Variants in ANKRD30B observed in about 807,000 individuals in gnomAD.
ANKRD30B encodes the protein ankyrin repeat domain-containing protein 30B.
In ANKRD30B, 144 loss-of-function variants were observed where a neutral mutation model predicts 202.2. That is an observed-to-expected ratio of 0.71 (90% CI 0.62 to 0.82). ANKRD30B has a LOEUF of 0.82. Among genes scored for constraint, ANKRD30B ranks in the 40% least tolerant of loss-of-function variants. The pLI, the probability that ANKRD30B is intolerant of heterozygous loss-of-function variation, is 0.00. For synonymous variants in ANKRD30B, 508 were observed against 561.3 expected (o/e 0.91, Z 1.34); for missense variants, 1,487 against 1,669.1 (o/e 0.89, Z 1.90).
the ANKRD30B span, among the ~76,000 whole-genome samples, chr18:14,890,682 T>G: frequency 4.8e-5 from 7 of 146,998 alleles, no homozygotes; most frequent in Admixed American, 2.8e-4. Flanking sequence ...GCTAACAGAA[T>G]AGCTCTTGAA....
At chr18:14,828,605 T>C (rs1183451296) in intron 33 of ANKRD30B, among the ~76,000 whole-genome samples, 1 of 152,166 alleles carries the variant, frequency 6.6e-6, no homozygotes, top group African/African-American at 2.4e-5. Flanking sequence ...ATCCCTTCCC[T>C]TCCCCCTTGG....
At chr18:14,849,876 C>T (rs548177604) in intron 40 of ANKRD30B, among the ~76,000 whole-genome samples, 49 of 151,636 alleles carry the variant, frequency 3.2e-4, no homozygotes, top group African/African-American at 1.1e-3. Context: ...TCTGTCCTCA[C>T]TGAGGACTAA....
At chr18:14,844,490 G>C (rs1262175568) in intron 39 of ANKRD30B, among the ~76,000 whole-genome samples, 2 of 152,136 alleles carry the variant, frequency 1.3e-5, no homozygotes, top group Non-Finnish European at 2.9e-5. Flanking sequence ...TCATTGATGG[G>C]CATTTGGGTT....
chr18:14,750,737 T>C (rs1350055125), intron 1 of ANKRD30B, among the ~76,000 whole-genome samples: 3 of 152,132 alleles, frequency 2.0e-5, no homozygotes, highest in Non-Finnish European at 4.4e-5. Flanking sequence ...ATGTGACCAC[T>C]CAAGGTAGAA....
chr18:14,755,390 T>G (rs1216973440), intron 4 of ANKRD30B, among the ~76,000 whole-genome samples: 1 of 152,110 alleles, frequency 6.6e-6, no homozygotes, highest in African/African-American at 2.4e-5. Flanking sequence ...ATACACTTTT[T>G]TAATTTCTTT....
the ANKRD30B span, among the ~76,000 whole-genome samples, chr18:14,874,234 A>G: frequency 7.9e-5 from 12 of 152,292 alleles, no homozygotes; most frequent in East Asian, 2.3e-3. Flanking sequence ...AAGACCCTGA[A>G]CGCTCTTCCT....
the ANKRD30B span, among the ~76,000 whole-genome samples, chr18:14,876,682 T>C: frequency 6.6e-6 from 1 of 152,338 alleles, no homozygotes; most frequent in South Asian, 2.1e-4. Context: ...CATCATCTAC[T>C]TTTTAAAAGA....
chr18:14,870,069 C>T, the ANKRD30B span, among the ~76,000 whole-genome samples: 1 of 152,222 alleles, frequency 6.6e-6, no homozygotes, highest in African/African-American at 2.4e-5. Context: ...CTCCTCACCT[C>T]AGGTGATCCA....
At chr18:14,856,251 G>A (rs1435506472), downstream of ANKRD30B, among the ~76,000 whole-genome samples, 11 of 132,006 alleles carry the variant, frequency 8.3e-5, no homozygotes, top group South Asian at 1.0e-3. Flanking sequence ...AGAGAAAGGT[G>A]CTCCTCACTT....
At chr18:14,767,785 A>C (rs1916484871) in intron 7 of ANKRD30B, among the ~76,000 whole-genome samples, 1 of 152,216 alleles carries the variant, frequency 6.6e-6, no homozygotes, top group Non-Finnish European at 1.5e-5. Context: ...ATATTTCATC[A>C]TACTCCTTAG....
chr18:14,871,080 C>CA, the ANKRD30B span, among the ~76,000 whole-genome samples: 2 of 75,492 alleles, frequency 2.6e-5, no homozygotes, highest in African/African-American at 1.0e-4. Flanking sequence ...CACCCACAGA[C>CA]CCCCACCCTC....
the ANKRD30B span, among the ~76,000 whole-genome samples, chr18:14,903,398 A>C: frequency 6.6e-6 from 1 of 152,186 alleles, no homozygotes; most frequent in Non-Finnish European, 1.5e-5. Context: ...CAGGATGATA[A>C]ATGATTACTG....
the ANKRD30B span, among the ~76,000 whole-genome samples, chr18:14,875,491 G>A: frequency 3.3e-5 from 5 of 152,122 alleles, no homozygotes; most frequent in African/African-American, 9.7e-5. Flanking sequence ...CGCTTACTGT[G>A]TGGCTGGCAT....
the ANKRD30B span, among the ~76,000 whole-genome samples, chr18:14,859,851 G>A: frequency 5.9e-5 from 4 of 67,588 alleles, no homozygotes; most frequent in East Asian, 1.0e-3. Flanking sequence ...CCCAGATGGC[G>A]CGGCCAGGCA....
At position 14,848,855 on chromosome 18, in the gene ANKRD30B, G is replaced by C. The variant is rs1284813557; in HGVS notation, c.3321G>C (p.Leu1107=). 1.2e-6 allele frequency: 2 copies of C among 1,601,576 alleles called. No homozygotes were observed. Among genetic ancestry groups the C allele is most frequent in the Non-Finnish European group, 1.7e-6 (2 of 1,174,774 alleles). The change falls in exon 40 of 44, where the codon CTG becomes CTC. Residue 1107 remains leucine, a synonymous_variant. Coordinates refer to ENST00000690538, the MANE Select transcript of ANKRD30B (RefSeq NM_001367607.2). ...AGTTTTGTGTACTACAAAAGGAACT[G>C]TCAGAAGCGAAAGAAATAAAATCAC... ...KNKFCVLQKE[L]SEAKEIKSQL...
chr18:14,859,144 A>G (rs1972143538), downstream of ANKRD30B, among the ~76,000 whole-genome samples: 1 of 114,286 alleles, frequency 8.7e-6, no homozygotes, highest in Admixed American at 8.3e-5. Flanking sequence ...CGGGGAGACC[A>G]GGAAGAGGCG....
chr18:14,862,878 C>T, the ANKRD30B span, among the ~76,000 whole-genome samples: 2 of 152,202 alleles, frequency 1.3e-5, no homozygotes, highest in African/African-American at 4.8e-5. Context: ...TATTTTGGAG[C>T]TTGAAGGTTT....
chr18:14,934,136 G>A, the ANKRD30B span, among the ~76,000 whole-genome samples: 4 of 152,250 alleles, frequency 2.6e-5, no homozygotes, highest in Non-Finnish European at 4.4e-5. Context: ...AGGCGCCCCA[G>A]GCCCTGGAGC....
the ANKRD30B span, among the ~76,000 whole-genome samples, chr18:14,890,295 G>GT: frequency 1.9e-3 from 284 of 151,930 alleles, no homozygotes; most frequent in African/African-American, 6.3e-3. Context: ...CAAACTGACG[G>GT]TTTTTTATTT....
Sources: gnomAD v4.1 joint callset for allele counts (sites outside exome capture counted in the v4.1 genomes callset) on GRCh38, gnomAD v4.1.1 for gene constraint, MANE v1.5 for transcripts, NCBI Gene and HGNC (gene_info 2026-07-23, HGNC 2026-07-21) for gene names.